The following GABRG3 variants were observed in gnomAD, a reference collection of about 807,000 sequenced individuals.
The protein encoded by GABRG3 is gamma-aminobutyric acid receptor subunit gamma-3.
Under a neutral mutation model 48.8 loss-of-function variants are expected in GABRG3, and 25 were observed. The ratio of observed to expected loss-of-function variants is 0.51; its 90% CI spans 0.37 to 0.72. The LOEUF is 0.72. Ranked by LOEUF, GABRG3 falls within the 30% of genes least tolerant of loss-of-function variation. The probability of loss-of-function intolerance (pLI) is 0.00; values close to 1 mark genes in which losing one functional copy is unlikely to be tolerated. For missense variants in GABRG3, 394 were observed against 577.9 expected (o/e 0.68, Z 3.26); for synonymous variants, 227 against 217.6 (o/e 1.04, Z -0.38).
chr15:27,394,422 G>A (rs893419414), intron 5 of GABRG3, among the ~76,000 whole-genome samples: 1 of 151,890 alleles, frequency 6.6e-6, no homozygotes, highest in South Asian at 2.1e-4. Context: ...AAGTATATAA[G>A]CACAGTTTAA....
intron 3 of GABRG3, among the ~76,000 whole-genome samples, chr15:27,172,946 A>G (rs1887621874): frequency 1.3e-5 from 2 of 152,172 alleles, no homozygotes; most frequent in South Asian, 4.1e-4. Flanking sequence ...GTCTGAGAAC[A>G]GCTACCCTGA....
chr15:27,369,734 G>A (rs963266499), intron 5 of GABRG3, among the ~76,000 whole-genome samples: 19 of 149,376 alleles, frequency 1.3e-4, no homozygotes, highest in Admixed American at 4.7e-4. Context: ...GTGAACCCGG[G>A]AGGTGGAGGT....
At chr15:27,187,580 C>T (rs183843310) in intron 3 of GABRG3, among the ~76,000 whole-genome samples, 76 of 152,116 alleles carry the variant, frequency 5.0e-4, no homozygotes, top group Non-Finnish European at 7.1e-4. Flanking sequence ...TCTTTGATTT[C>T]TTTCATCAAC....
intron 3 of GABRG3, among the ~76,000 whole-genome samples, chr15:27,042,418 C>G (rs993451568): frequency 1.3e-5 from 2 of 152,190 alleles, no homozygotes; most frequent in African/African-American, 2.4e-5. Flanking sequence ...TCCTCCATCC[C>G]TCTTCCACAC....
intron 5 of GABRG3, among the ~76,000 whole-genome samples, chr15:27,426,264 A>G (rs1445906594): frequency 6.6e-6 from 1 of 152,206 alleles, no homozygotes; most frequent in Non-Finnish European, 1.5e-5. Context: ...TGCCCACCTG[A>G]TAAAGCAGGC....
chr15:27,069,071 G>T (rs193087684), intron 3 of GABRG3, among the ~76,000 whole-genome samples: 1 of 152,146 alleles, frequency 6.6e-6, no homozygotes, highest in Non-Finnish European at 1.5e-5. Context: ...GCATGTTTAC[G>T]CTGGGTCAAA....
chr15:27,457,222 C>T lies in GABRG3; in HGVS notation c.575-23428C>T, dbSNP rs371707340. Among the ~76,000 whole-genome samples, 5 of 152,114 alleles carry T rather than the reference C, an allele frequency of 3.3e-5. No individual in the cohort carries two copies. In the East Asian group the frequency reaches 5.8e-4, roughly 18 times the overall value. On this transcript the variant is annotated intron_variant, in intron 5 of 9. Coordinates refer to ENST00000615808, the MANE Select transcript of GABRG3 (RefSeq NM_033223.5). The surrounding 1 kb of genome is among the most constrained non-coding windows in gnomAD (Gnocchi z 4.4). ...AAGGCTGCAAGAACTGCCCACGCTCCGACAGATGTACAGTGCAGGGCCGGC... is the reference window on the plus strand; with the variant it reads ...AAGGCTGCAAGAACTGCCCACGCTCTGACAGATGTACAGTGCAGGGCCGGC...
At chr15:27,275,609 C>T (rs1468807031) in intron 3 of GABRG3, among the ~76,000 whole-genome samples, 1 of 152,168 alleles carries the variant, frequency 6.6e-6, no homozygotes, top group East Asian at 1.9e-4. Context: ...AAAGACTGGA[C>T]TGAATTTCTG....
intron 3 of GABRG3, among the ~76,000 whole-genome samples, chr15:27,316,382 C>A (rs555696889): frequency 2.5e-5 from 3 of 121,202 alleles, no homozygotes; most frequent in African/African-American, 1.1e-4. Flanking sequence ...AGCGAGACTC[C>A]GTCTCAAAAA....
intron 5 of GABRG3, among the ~76,000 whole-genome samples, chr15:27,374,026 G>C (rs1018092034): frequency 2.7e-5 from 4 of 150,216 alleles, no homozygotes; most frequent in Admixed American, 6.6e-5. Flanking sequence ...AGATTCCAAA[G>C]TTCTTTAGTT....
intron 3 of GABRG3, among the ~76,000 whole-genome samples, chr15:27,311,123 C>T (rs528480570): frequency 6.6e-4 from 101 of 152,204 alleles, no homozygotes; most frequent in Admixed American, 1.3e-3. Flanking sequence ...AATAGGAAGC[C>T]CTGGACCTTC....
At chr15:27,112,241 A>G (rs1270739872) in intron 3 of GABRG3, among the ~76,000 whole-genome samples, 1 of 152,044 alleles carries the variant, frequency 6.6e-6, no homozygotes, top group African/African-American at 2.4e-5. Flanking sequence ...TTAGGGTAAC[A>G]GTGTTTTCCG....
At chr15:27,076,243 A>G (rs1260461537) in intron 3 of GABRG3, among the ~76,000 whole-genome samples, 1 of 151,594 alleles carries the variant, frequency 6.6e-6, no homozygotes, top group East Asian at 1.9e-4. Flanking sequence ...CAAAACATCC[A>G]TGCCAAATCC....
intron 3 of GABRG3, among the ~76,000 whole-genome samples, chr15:27,288,672 C>T (rs1425902256): frequency 1.3e-5 from 2 of 150,786 alleles, no homozygotes; most frequent in Non-Finnish European, 2.9e-5. Flanking sequence ...GAGATCACGC[C>T]ATTGCACTCC....
chr15:27,030,934 A>G (rs1324920748), intron 3 of GABRG3, among the ~76,000 whole-genome samples: 1 of 152,124 alleles, frequency 6.6e-6, no homozygotes, highest in Non-Finnish European at 1.5e-5. Context: ...CAAAAGGCTC[A>G]GTGTTAGGAT....
At chr15:27,531,266 T>C (rs1188898225) in intron 9 of GABRG3, among the ~76,000 whole-genome samples, 1 of 152,198 alleles carries the variant, frequency 6.6e-6, no homozygotes, top group Non-Finnish European at 1.5e-5. Context: ...GCTTCGCATT[T>C]ACAAGAACGC....
At chr15:27,044,930 G>C (rs1301481658) in intron 3 of GABRG3, among the ~76,000 whole-genome samples, 1 of 152,220 alleles carries the variant, frequency 6.6e-6, no homozygotes, top group Non-Finnish European at 1.5e-5. Context: ...TACTGAGTTA[G>C]ATTGGAGCTT....
chr15:27,062,434 T>TAAAAAAAAAAAAA (rs57903886), intron 3 of GABRG3, among the ~76,000 whole-genome samples: 10 of 32,858 alleles, frequency 3.0e-4, no homozygotes, highest in African/African-American at 7.0e-4. Flanking sequence ...CCATCTCTAC[T>TAAAAAAAAAAAAA]AAAAAAAAAA....
chr15:27,331,624 T>C (rs1358371571), intron 5 of GABRG3, among the ~76,000 whole-genome samples: 2 of 152,210 alleles, frequency 1.3e-5, no homozygotes, highest in East Asian at 1.9e-4. Context: ...AACTATTCTG[T>C]ATGATACTGT....
Sources: allele counts gnomAD v4.1 joint callset (sites outside exome capture counted in the v4.1 genomes callset), GRCh38; gene constraint gnomAD v4.1.1; non-coding constraint Gnocchi (gnomAD v3.1); transcripts MANE v1.5; gene names NCBI Gene and HGNC (gene_info 2026-07-23, HGNC 2026-07-21).